Variants in IGSF21 observed in about 807,000 individuals in gnomAD.
IGSF21 encodes immunoglobulin superfamily member 21.
A neutral mutation model predicts 46.8 loss-of-function variants in IGSF21; 28 were observed. The observed-to-expected ratio is 0.60, with a 90% CI of 0.44 to 0.82. The LOEUF is 0.82. Ranked by LOEUF, IGSF21 falls within the 40% of genes least tolerant of loss-of-function variation. IGSF21 has a pLI of 0.00. For synonymous variants in IGSF21, 284 were observed against 273.6 expected (o/e 1.04, Z -0.38); for missense variants, 624 against 665.5 (o/e 0.94, Z 0.69).
chr1:18,331,202 G>T (rs990654500), intron 3 of IGSF21, among the ~76,000 whole-genome samples: 1 of 151,936 alleles, frequency 6.6e-6, no homozygotes, highest in Non-Finnish European at 1.5e-5. Flanking sequence ...ATTTAGGTGC[G>T]CCCATCACCC....
chr1:18,163,597 C>T (rs1468880983), intron 1 of IGSF21, among the ~76,000 whole-genome samples: 1 of 152,330 alleles, frequency 6.6e-6, no homozygotes, highest in East Asian at 1.9e-4. Context: ...GGAGACAAGG[C>T]TCCTGAGATA....
At chr1:18,377,502 C>T in intron 9 of IGSF21, 71 bp downstream of exon 9, 1 of 1,222,140 alleles carries the variant, frequency 8.2e-7, no homozygotes, top group South Asian at 1.2e-5. Context: ...GCTCTGGTCC[C>T]CCAAACTTCC....
chr1:18,161,245 G>A (rs1300543888), intron 1 of IGSF21, among the ~76,000 whole-genome samples: 1 of 152,160 alleles, frequency 6.6e-6, no homozygotes, highest in Non-Finnish European at 1.5e-5. Flanking sequence ...TGAACGAGAA[G>A]GGAAAGCCAG....
intron 1 of IGSF21, among the ~76,000 whole-genome samples, chr1:18,205,457 G>A (rs938616330): frequency 1.3e-5 from 2 of 152,112 alleles, no homozygotes; most frequent in Admixed American, 6.6e-5. Context: ...TTTGTCATCC[G>A]GTGTTTCCTT....
rs1377644795 is a variant in IGSF21 at position 18,322,453 on chromosome 1, G to T, written c.306-12439G>T. 6.6e-6 allele frequency among the ~76,000 whole-genome samples: 1 copy of T among 152,076 alleles called. No individual in the cohort carries two copies. Among genetic ancestry groups the T allele is most frequent in the Non-Finnish European group, 1.5e-5 (1 of 68,026 alleles). ...CCCACCACCAAGTAGAGAGGCAGAG[G>T]CAGAGATTCCTGTTAAATAAAGCAA... On this transcript the variant is annotated intron_variant, in intron 3 of 9. Transcript: ENST00000251296. The surrounding 1 kb of genome is among the most constrained non-coding windows in gnomAD (Gnocchi z 4.3).
chr1:18,204,786 G>A (rs2087109615), intron 1 of IGSF21, among the ~76,000 whole-genome samples: 1 of 152,172 alleles, frequency 6.6e-6, no homozygotes, highest in African/African-American at 2.4e-5. Flanking sequence ...TCATGACCTG[G>A]TTTTAGCCCA....
chr1:18,303,848 C>G (rs1223966225), intron 3 of IGSF21, among the ~76,000 whole-genome samples: 2 of 152,132 alleles, frequency 1.3e-5, no homozygotes, highest in Non-Finnish European at 2.9e-5. Flanking sequence ...GGGACACAGG[C>G]ATCCATGTAT....
intron 1 of IGSF21, among the ~76,000 whole-genome samples, chr1:18,224,708 G>A (rs900193614): frequency 1.3e-5 from 2 of 152,124 alleles, no homozygotes; most frequent in African/African-American, 4.8e-5. Flanking sequence ...GAGAAGTCCT[G>A]AAGGGAAGAA....
At chr1:18,298,612 C>T (rs2085333640) in intron 3 of IGSF21, among the ~76,000 whole-genome samples, 1 of 152,162 alleles carries the variant, frequency 6.6e-6, no homozygotes, top group Non-Finnish European at 1.5e-5. Flanking sequence ...GTATGTTTAT[C>T]AGGAGGGAGA....
At position 18,376,912 on chromosome 1, in the gene IGSF21, A is replaced by G; in HGVS notation, c.1214A>G (p.Glu405Gly). ...CTGGTGCTGGAGCGGGTTCCCGCCG[A>G]GCTCAATGGCTCCATGTATCGCTGC... ...KELVLERVPA[E>G]LNGSMYRCTA... Residue 405 changes from glutamate (E) to glycine (G), a missense_variant, in exon 8 of 10, where the codon GAG becomes GGG. Glu to Gly is a moderately conservative substitution (Grantham distance 98). Coordinates refer to ENST00000251296, the MANE Select transcript of IGSF21 (RefSeq NM_032880.5). 2 of 1,612,836 alleles carry G rather than the reference A, an allele frequency of 1.2e-6. No individual in the cohort carries two copies. The highest frequency in any genetic ancestry group is 4.5e-5 in the East Asian group (2 of 44,824).
At position 18,179,672 on chromosome 1, in the gene IGSF21, G is replaced by T. The variant is rs1404961572; in HGVS notation, c.71-48226G>T. On this transcript the variant is annotated intron_variant, in intron 1 of 9. Transcript: ENST00000251296. ...TCGGGGTGACGGATGCTTGAGCCAGGGAAGCAGGAACTGGTGAGGAGGGGT... is the reference window on the plus strand; with the variant it reads ...TCGGGGTGACGGATGCTTGAGCCAGTGAAGCAGGAACTGGTGAGGAGGGGT... Among the ~76,000 whole-genome samples the T allele has an allele frequency of 3.3e-5, 5 of 152,082 alleles. No individual in the cohort carries two copies. The East Asian group carries it at 9.6e-4, about 29-fold the overall frequency.
rs1303676359 is a variant in IGSF21 at position 18,109,347 on chromosome 1, C to T, written c.70+1149C>T. The T allele has an allele frequency of 6.6e-6, 1 of 151,966 alleles. No individual in the cohort carries two copies. Among genetic ancestry groups the T allele is most frequent in the Non-Finnish European group, 1.5e-5 (1 of 68,006 alleles). The allele number at this position is 151,966 out of a possible 1,614,324, so 9.4% of individuals were successfully genotyped here. On this transcript the variant is annotated intron_variant, in intron 1 of 9. Transcript: ENST00000251296. This position sits in a 1 kb window ranked among gnomAD's most constrained non-coding sequence, Gnocchi z 4.8. The stretch of plus-strand genomic sequence containing the variant: ...CTGGAGTCAGAGCCTGGCTCCGCCT[C>T]GGAGGGGAGCGGGACGCGAGGTGCC...
intron 1 of IGSF21, among the ~76,000 whole-genome samples, chr1:18,213,023 C>A (rs1251194255): frequency 3.3e-5 from 5 of 152,330 alleles, no homozygotes; most frequent in East Asian, 1.9e-4. Flanking sequence ...TTAATTGGCT[C>A]TGTGGCCTTG....
intron 1 of IGSF21, among the ~76,000 whole-genome samples, chr1:18,227,541 C>T (rs150058389): frequency 2.3e-3 from 343 of 151,976 alleles, no homozygotes; most frequent in African/African-American, 7.9e-3. Context: ...CAGAAGCCTT[C>T]TCTGGGGTAT....
At chr1:18,345,890 C>G (rs971523238) in intron 4 of IGSF21, among the ~76,000 whole-genome samples, 1 of 152,218 alleles carries the variant, frequency 6.6e-6, no homozygotes, top group African/African-American at 2.4e-5. Context: ...CGCAGGGACC[C>G]AGCCACTATG....
intron 2 of IGSF21, among the ~76,000 whole-genome samples, chr1:18,231,922 C>CGTGTGTGTGTGTGTGT (rs150869622): frequency 0.039 from 5,355 of 136,330 alleles, 163 homozygotes; most frequent in Non-Finnish European, 0.057. Context: ...ATCATTAGAT[C>CGTGTGTGTGTGTGTGT]GTGTGTGTGT....
chr1:18,353,597 C>T (rs2085983388), intron 4 of IGSF21, among the ~76,000 whole-genome samples: 1 of 152,026 alleles, frequency 6.6e-6, no homozygotes, highest in South Asian at 2.1e-4. Flanking sequence ...TGCTGGGGCC[C>T]CAAACAAAAG....
At chr1:18,258,335 A>T (rs1166822097) in intron 2 of IGSF21, among the ~76,000 whole-genome samples, 1 of 152,208 alleles carries the variant, frequency 6.6e-6, no homozygotes, top group Non-Finnish European at 1.5e-5. Context: ...TAAGGAGCAG[A>T]ATGTCCCAGA....
intron 1 of IGSF21, among the ~76,000 whole-genome samples, chr1:18,134,947 G>A (rs1488217194): frequency 1.3e-5 from 2 of 152,214 alleles, no homozygotes; most frequent in Non-Finnish European, 2.9e-5. Context: ...GAGGAAAAGG[G>A]CTGCTACTGA....
Sources: allele counts gnomAD v4.1 joint callset (sites outside exome capture counted in the v4.1 genomes callset), GRCh38; gene constraint gnomAD v4.1.1; non-coding constraint Gnocchi (gnomAD v3.1); transcripts MANE v1.5; gene names NCBI Gene and HGNC (gene_info 2026-07-23, HGNC 2026-07-21).